The following CTNND2 variants were observed in gnomAD, a reference collection of about 807,000 sequenced individuals.
The protein encoded by CTNND2 is catenin delta 2.
In CTNND2, 22 loss-of-function variants were observed where a neutral mutation model predicts 144.4. That is an observed-to-expected ratio of 0.15 (90% confidence interval 0.11 to 0.22). The LOEUF is 0.22. Ranked by LOEUF, CTNND2 falls within the 10% of genes least tolerant of loss-of-function variation. CTNND2 has a pLI of 1.00. For missense variants in CTNND2, 1,353 were observed against 1,618.8 expected (o/e 0.84, Z 2.82); for synonymous variants, 751 against 695.6 (o/e 1.08, Z -1.25).
chr5:10,984,458 GCCTC>G (rs200943301), intron 20 of CTNND2, among the ~76,000 whole-genome samples: 286 of 152,068 alleles, frequency 1.9e-3, no homozygotes, highest in African/African-American at 6.5e-3. Context: ...TGCAGTCTTG[GCCTC>G]CCTCCCTGTT....
Position 11,794,287 on chromosome 5 carries a change from G to A in CTNND2, c.38-62015C>T, listed in dbSNP as rs77015459. 3.9e-5 allele frequency among the ~76,000 whole-genome samples: 6 copies of A among 152,168 alleles called. No homozygotes were observed. The East Asian group carries it at 7.7e-4, about 20-fold the overall frequency. ...GTCCCCGTATTTTAATACATCCATGGTAATTATATTATTTCCATCAGTCTG... is the reference window on the plus strand; with the variant it reads ...GTCCCCGTATTTTAATACATCCATGATAATTATATTATTTCCATCAGTCTG... On this transcript the variant is annotated intron_variant, in intron 1 of 21. Transcript: ENST00000304623.
At chr5:11,893,909 C>T (rs559299303) in intron 1 of CTNND2, among the ~76,000 whole-genome samples, 1 of 152,276 alleles carries the variant, frequency 6.6e-6, no homozygotes, top group South Asian at 2.1e-4. Context: ...AGATTAGCAT[C>T]CCCTCTCAAG....
intron 2 of CTNND2, among the ~76,000 whole-genome samples, chr5:11,717,860 CT>C (rs1786442665): frequency 6.6e-6 from 1 of 152,136 alleles, no homozygotes; most frequent in Non-Finnish European, 1.5e-5. Context: ...CTCTTGACAT[CT>C]GGGGATTATT....
At chr5:11,573,611 T>C (rs1239150526) in intron 2 of CTNND2, among the ~76,000 whole-genome samples, 1 of 152,116 alleles carries the variant, frequency 6.6e-6, no homozygotes, top group Non-Finnish European at 1.5e-5. Flanking sequence ...CGTGTACACC[T>C]CATTGGTGAG....
chr5:11,649,416 A>G (rs1334045239), intron 2 of CTNND2, among the ~76,000 whole-genome samples: 1 of 152,038 alleles, frequency 6.6e-6, no homozygotes, highest in Admixed American at 6.6e-5. Context: ...CTCCCAAGTT[A>G]AAGTGATTCT....
At chr5:11,023,069 C>A (rs980314557) in intron 16 of CTNND2, 90 bp from the exon 17 acceptor site, 2 of 1,137,784 alleles carry the variant, frequency 1.8e-6, no homozygotes, top group Middle Eastern at 2.1e-4. Context: ...GAAGAGAATA[C>A]GAGAGGCCAC....
At chr5:11,326,385 T>C (rs762856935) in intron 9 of CTNND2, among the ~76,000 whole-genome samples, 37 of 152,030 alleles carry the variant, frequency 2.4e-4, no homozygotes, top group Non-Finnish European at 4.4e-4. Flanking sequence ...GAGGGTGGGA[T>C]TACTGTGAGA....
At chr5:11,238,724 C>T (rs1314876989) in intron 9 of CTNND2, among the ~76,000 whole-genome samples, 3 of 152,036 alleles carry the variant, frequency 2.0e-5, no homozygotes, top group African/African-American at 7.2e-5. Flanking sequence ...TATATATATA[C>T]ACACAGATAT....
At chr5:11,223,840 T>C (rs949540699) in intron 10 of CTNND2, among the ~76,000 whole-genome samples, 1 of 152,040 alleles carries the variant, frequency 6.6e-6, no homozygotes, top group Non-Finnish European at 1.5e-5. Flanking sequence ...AGCTTAGGTT[T>C]AGGAGGAAAA....
chr5:11,291,158 C>T (rs898915763), intron 9 of CTNND2, among the ~76,000 whole-genome samples: 1 of 152,148 alleles, frequency 6.6e-6, no homozygotes, highest in South Asian at 2.1e-4. Flanking sequence ...CCTGGGGATT[C>T]GTCCACCCAT....
intron 2 of CTNND2, among the ~76,000 whole-genome samples, chr5:11,706,273 T>C (rs750953282): frequency 1.3e-5 from 2 of 152,220 alleles, no homozygotes; most frequent in Non-Finnish European, 2.9e-5. Context: ...CATAAAAGTG[T>C]GCTTTTTTAG....
Position 11,329,996 on chromosome 5 carries a change from G to A in CTNND2, c.1628+16376C>T, listed in dbSNP as rs142040625. Reference sequence around the variant, plus strand: ...TCCTTGTAGTCTGTAAGTGATTACTGCAGTGAATGAGCTAATGTAGCATGT... The same window carrying A: ...TCCTTGTAGTCTGTAAGTGATTACTACAGTGAATGAGCTAATGTAGCATGT... On this transcript the variant is annotated intron_variant, in intron 9 of 21. Coordinates refer to ENST00000304623, the MANE Select transcript of CTNND2 (RefSeq NM_001332.4). Among the ~76,000 whole-genome samples, 7 of 152,266 alleles carry A rather than the reference G, an allele frequency of 4.6e-5. No individual in the cohort carries two copies. The East Asian group carries it at 1.4e-3, about 29-fold the overall frequency.
intron 1 of CTNND2, among the ~76,000 whole-genome samples, chr5:11,857,594 A>G (rs1216058426): frequency 1.3e-5 from 2 of 152,214 alleles, no homozygotes; most frequent in African/African-American, 2.4e-5. Context: ...CTCTTGACTC[A>G]TAAGGGTTAT....
At chr5:11,728,544 A>G (rs1194966940) in intron 2 of CTNND2, among the ~76,000 whole-genome samples, 1 of 152,178 alleles carries the variant, frequency 6.6e-6, no homozygotes, top group African/African-American at 2.4e-5. Flanking sequence ...GTACAATAAG[A>G]AAAACTAAAA....
chr5:11,197,285 A>G (rs916392764), intron 11 of CTNND2, among the ~76,000 whole-genome samples: 7 of 152,250 alleles, frequency 4.6e-5, no homozygotes. Flanking sequence ...AGCCAAGCAC[A>G]ACATGAAAAT....
At chr5:11,082,636 A>T in intron 16 of CTNND2, 60 bp downstream of exon 16, 1 of 1,583,880 alleles carries the variant, frequency 6.3e-7, no homozygotes, top group Non-Finnish European at 8.6e-7. Flanking sequence ...AACCACACCT[A>T]CCCCTAGAGA....
chr5:11,241,157 A>G (rs1219771987), intron 9 of CTNND2, among the ~76,000 whole-genome samples: 1 of 151,750 alleles, frequency 6.6e-6, no homozygotes, highest in Non-Finnish European at 1.5e-5. Flanking sequence ...ACACTCACAC[A>G]CCCAACACAC....
At chr5:11,071,531 C>T (rs1161799006) in intron 16 of CTNND2, among the ~76,000 whole-genome samples, 1 of 150,008 alleles carries the variant, frequency 6.7e-6, no homozygotes, top group Non-Finnish European at 1.5e-5. Flanking sequence ...GCCTGAGTGA[C>T]AAAGTGAGAC....
At chr5:11,427,631 T>C (rs1180889117) in intron 3 of CTNND2, among the ~76,000 whole-genome samples, 2 of 152,072 alleles carry the variant, frequency 1.3e-5, no homozygotes, top group East Asian at 1.9e-4. Flanking sequence ...GCATTGGGCA[T>C]TGTGAAATAT....
Sources: allele counts gnomAD v4.1 joint callset (sites outside exome capture counted in the v4.1 genomes callset), GRCh38; gene constraint gnomAD v4.1.1; transcripts MANE v1.5; gene names NCBI Gene and HGNC (gene_info 2026-07-23, HGNC 2026-07-21).